TRIM49: variants seen among roughly 807,000 people sequenced by gnomAD.
TRIM49 encodes the protein tripartite motif-containing protein 49.
TRIM49 carries 5 observed loss-of-function variants against 27.4 expected under a neutral mutation model. The observed-to-expected ratio is 0.18, with a 90% CI of 0.10 to 0.38. TRIM49 has a LOEUF of 0.38. Among genes scored for constraint, TRIM49 ranks in the 10% least tolerant of loss-of-function variants. TRIM49 has a pLI of 1.00. For missense variants in TRIM49, 188 were observed against 487.5 expected, an observed-to-expected ratio of 0.39 and a Z score of 5.79; for synonymous variants, 69 against 166.0, an observed-to-expected ratio of 0.42 and a Z score of 4.49.
the TRIM49 span, chr11:89,787,953 G>A: frequency 3.2e-6 from 1 of 311,618 alleles, no homozygotes; most frequent in African/African-American, 2.5e-5. Flanking sequence ...TGTCTCTCTA[G>A]GATGCTCCCA....
chr11:89,794,724 T>C (rs999064701), downstream of TRIM49, among the ~76,000 whole-genome samples: 2 of 145,174 alleles, frequency 1.4e-5, no homozygotes, highest in Admixed American at 6.9e-5. Flanking sequence ...TTACATCTTA[T>C]ACAAAAATTA....
the TRIM49 span, among the ~76,000 whole-genome samples, chr11:89,774,284 G>C: frequency 1.3e-5 from 2 of 151,154 alleles, no homozygotes; most frequent in African/African-American, 4.9e-5. Flanking sequence ...ACAGGCATGA[G>C]CCACCTTCCT....
chr11:89,798,088 G>A lies in TRIM49; in HGVS notation c.*42C>T. 8.6e-7 allele frequency: 1 copy of A among 1,163,920 alleles called. No individual in the cohort carries two copies. The highest frequency in any genetic ancestry group is 1.1e-6 in the Non-Finnish European group (1 of 891,804). The allele number at this position is 1,163,920 out of a possible 1,614,324, so 72.1% of individuals were successfully genotyped here. A position where few individuals can be genotyped will look rare whatever the true frequency, so the allele number is the denominator to read the frequency against. ...AGGAAGAGGACTTCCTGGGATAAAGGGGTTCCCACAGCATGTGAACACATT... is the reference window on the plus strand; with the variant it reads ...AGGAAGAGGACTTCCTGGGATAAAGAGGTTCCCACAGCATGTGAACACATT... On this transcript the variant is annotated 3_prime_UTR_variant, in exon 8 of 8. Coordinates refer to ENST00000329758, the MANE Select transcript of TRIM49 (RefSeq NM_020358.2).
At chr11:89,791,630 A>T in the TRIM49 span, among the ~76,000 whole-genome samples, 12 of 151,502 alleles carry the variant, frequency 7.9e-5, no homozygotes, top group Admixed American at 7.2e-4. Flanking sequence ...AGAATATCAT[A>T]TCCAGCCAAA....
At chr11:89,768,451 G>A in the TRIM49 span, among the ~76,000 whole-genome samples, 49 of 133,742 alleles carry the variant, frequency 3.7e-4, 10 homozygotes, top group African/African-American at 9.7e-4. Context: ...TCTTCACTCC[G>A]TTTCTAACCT....
At chr11:89,805,725 T>G (rs1264492377) in intron 2 of TRIM49, among the ~76,000 whole-genome samples, 3 of 51,372 alleles carry the variant, frequency 5.8e-5, no homozygotes, top group African/African-American at 5.7e-4. Flanking sequence ...TTTTTTTTGT[T>G]TTTTTTTTTT....
the TRIM49 span, among the ~76,000 whole-genome samples, chr11:89,770,887 C>A: frequency 1.5e-5 from 2 of 136,428 alleles, no homozygotes; most frequent in Non-Finnish European, 3.1e-5. Context: ...CAAAACAAAA[C>A]AAAAATCAAT....
downstream of TRIM49, among the ~76,000 whole-genome samples, chr11:89,794,174 C>T (rs559944842): frequency 9.4e-4 from 115 of 122,942 alleles, no homozygotes; most frequent in African/African-American, 3.4e-3. Context: ...AGGAATCCAA[C>T]TTAAAGAGAC....
chr11:89,796,484 C>G, downstream of TRIM49, among the ~76,000 whole-genome samples: 1 of 136,188 alleles, frequency 7.3e-6, no homozygotes. Context: ...CGTTCTCACA[C>G]CTTGGTCTCC....
the TRIM49 span, among the ~76,000 whole-genome samples, chr11:89,785,665 T>A: frequency 6.1e-4 from 89 of 145,500 alleles, 11 homozygotes; most frequent in African/African-American, 2.3e-3. Context: ...AATTAAAATT[T>A]ACAAAAGAAT....
At chr11:89,785,356 A>C in the TRIM49 span, among the ~76,000 whole-genome samples, 1 of 144,324 alleles carries the variant, frequency 6.9e-6, no homozygotes, top group South Asian at 2.2e-4. Context: ...GAACATACTT[A>C]ACATGCCAGT....
chr11:89,782,999 G>C, the TRIM49 span, among the ~76,000 whole-genome samples: 1 of 131,156 alleles, frequency 7.6e-6, no homozygotes. Flanking sequence ...GAATAAAGAA[G>C]TGTGCTTATT....
At chr11:89,768,220 T>C in the TRIM49 span, 37 of 1,449,908 alleles carry the variant, frequency 2.6e-5, 2 homozygotes, top group Non-Finnish European at 3.3e-5. Flanking sequence ...CCACCGGTCC[T>C]GTGATGGGCC....
the TRIM49 span, chr11:89,768,268 C>T: frequency 1.3e-6 from 2 of 1,502,038 alleles, no homozygotes; most frequent in South Asian, 1.2e-5. Flanking sequence ...GGGGCATGTG[C>T]AGCAGCACGG....
the TRIM49 span, among the ~76,000 whole-genome samples, chr11:89,773,893 A>T: frequency 7.3e-6 from 1 of 136,620 alleles, no homozygotes; most frequent in Admixed American, 6.8e-5. Context: ...GCTAAGACCA[A>T]GCCCTGGCAC....
the TRIM49 span, chr11:89,777,232 A>T: frequency 6.5e-7 from 1 of 1,548,690 alleles, no homozygotes; most frequent in Admixed American, 2.0e-5. Flanking sequence ...ACCTCAGAAC[A>T]TCAACAGCTC....
chr11:89,800,657 G>A (rs1244687830), intron 6 of TRIM49, among the ~76,000 whole-genome samples: 3 of 150,280 alleles, frequency 2.0e-5, no homozygotes, highest in Non-Finnish European at 4.4e-5. Context: ...GCAGGGGAAT[G>A]GTGTGAACCC....
At chr11:89,768,442 C>A in the TRIM49 span, among the ~76,000 whole-genome samples, 2 of 134,518 alleles carry the variant, frequency 1.5e-5, no homozygotes, top group African/African-American at 3.5e-5. Context: ...CTTTCTAACT[C>A]TTCACTCCGT....
chr11:89,782,127 T>A, the TRIM49 span: 3 of 1,551,262 alleles, frequency 1.9e-6, no homozygotes, highest in Middle Eastern at 1.7e-4. Flanking sequence ...GATACCAATA[T>A]CGTTATTGAT....
Sources: gnomAD v4.1 joint callset for allele counts (sites outside exome capture counted in the v4.1 genomes callset) on GRCh38, gnomAD v4.1.1 for gene constraint, MANE v1.5 for transcripts, NCBI Gene and HGNC (gene_info 2026-07-23, HGNC 2026-07-21) for gene names.